The following ENPP6 variants were observed in gnomAD, a reference collection of about 807,000 sequenced individuals.
ENPP6 encodes glycerophosphocholine cholinephosphodiesterase ENPP6.
ENPP6 carries 32 observed loss-of-function variants against 42.0 expected under a neutral mutation model. The ratio of observed to expected loss-of-function variants is 0.76; its 90% CI spans 0.58 to 1.02. ENPP6 has a LOEUF of 1.02. Ranked by LOEUF, ENPP6 falls within the 50% of genes least tolerant of loss-of-function variation. The pLI, the probability that ENPP6 is intolerant of heterozygous loss-of-function variation, is 0.00. For synonymous variants in ENPP6, 213 were observed against 216.0 expected (o/e 0.99, Z 0.12); for missense variants, 552 against 566.8 (o/e 0.97, Z 0.27).
At chr4:184,093,304 TA>T (rs1200302407) in intron 7 of ENPP6, among the ~76,000 whole-genome samples, 1 of 152,144 alleles carries the variant, frequency 6.6e-6, no homozygotes, top group Non-Finnish European at 1.5e-5. Flanking sequence ...GCATGGAGGA[TA>T]AGGGTCAGCT....
At chr4:184,141,846 A>G (rs1736828623) in intron 2 of ENPP6, among the ~76,000 whole-genome samples, 1 of 152,238 alleles carries the variant, frequency 6.6e-6, no homozygotes, top group Admixed American at 6.5e-5. Context: ...TTATTTTGAT[A>G]CACTTATTTT....
rs114410997 is a variant in ENPP6 at position 184,160,713 on chromosome 4, G to C, written c.242-6980C>G. Among the ~76,000 whole-genome samples the C allele has an allele frequency of 5.8e-3, 881 of 150,822 alleles. 11 individuals are homozygous for C. Among genetic ancestry groups the C allele is most frequent in the African/African-American group, 0.02 (837 of 40,970 alleles). On this transcript the variant is annotated intron_variant, in intron 1 of 7. Coordinates refer to ENST00000296741, the MANE Select transcript of ENPP6 (RefSeq NM_153343.4). ...GATCAGCTGGAGCTCTCTCTCTCTT[G>C]AGCTCTCCGTATGACTGGTTCCAAT...
At chr4:184,109,606 A>T (rs1736166050) in intron 6 of ENPP6, among the ~76,000 whole-genome samples, 1 of 152,052 alleles carries the variant, frequency 6.6e-6, no homozygotes, top group South Asian at 2.1e-4. Context: ...ATTTTTTCAT[A>T]CCCTATTTAT....
At chr4:184,128,487 C>T (rs1736540739) in intron 2 of ENPP6, among the ~76,000 whole-genome samples, 1 of 152,008 alleles carries the variant, frequency 6.6e-6, no homozygotes, top group African/African-American at 2.4e-5. Context: ...GGGCAGTTAG[C>T]CTATTTTTAA....
chr4:184,114,605 C>A (rs1325152490), intron 5 of ENPP6, among the ~76,000 whole-genome samples: 1 of 152,126 alleles, frequency 6.6e-6, no homozygotes, highest in South Asian at 2.1e-4. Context: ...CAAACATGGC[C>A]CCCGCTTTTG....
chr4:184,217,402 C>T (rs897582239), intron 1 of ENPP6, among the ~76,000 whole-genome samples, 177 bp downstream of exon 1: 4 of 152,086 alleles, frequency 2.6e-5, no homozygotes, highest in Non-Finnish European at 4.4e-5. Flanking sequence ...GAAACAATAC[C>T]GCCACGAAAA....
chr4:184,198,864 C>T (rs576477608), intron 1 of ENPP6, among the ~76,000 whole-genome samples: 1 of 152,260 alleles, frequency 6.6e-6, no homozygotes, highest in African/African-American at 2.4e-5. Flanking sequence ...CTCATCTGTC[C>T]AGTTGCCATC....
At chr4:184,094,247 A>C (rs1735858096) in intron 7 of ENPP6, among the ~76,000 whole-genome samples, 1 of 152,250 alleles carries the variant, frequency 6.6e-6, no homozygotes, top group Non-Finnish European at 1.5e-5. Context: ...ACTGCACTCC[A>C]GCCTCGATGA....
At chr4:184,105,216 G>T (rs1450719272) in intron 6 of ENPP6, among the ~76,000 whole-genome samples, 1 of 152,174 alleles carries the variant, frequency 6.6e-6, no homozygotes, top group Non-Finnish European at 1.5e-5. Context: ...AAGAAAGAAA[G>T]AAAGGGGTTG....
intron 2 of ENPP6, among the ~76,000 whole-genome samples, chr4:184,150,985 T>C (rs1047449820): frequency 6.6e-6 from 1 of 152,224 alleles, no homozygotes; most frequent in African/African-American, 2.4e-5. Flanking sequence ...ATATTTTTCA[T>C]GCAAATTAGC....
At chr4:184,188,861 T>C (rs939889950) in intron 1 of ENPP6, among the ~76,000 whole-genome samples, 2 of 152,192 alleles carry the variant, frequency 1.3e-5, no homozygotes, top group African/African-American at 4.8e-5. Context: ...CTGATTTCCA[T>C]GAAGAAGTCA....
intron 6 of ENPP6, among the ~76,000 whole-genome samples, chr4:184,110,462 A>G (rs972631109): frequency 1.9e-4 from 29 of 152,320 alleles, no homozygotes; most frequent in African/African-American, 7.0e-4. Context: ...TTTTGTATTC[A>G]TAACTGTGTA....
intron 2 of ENPP6, among the ~76,000 whole-genome samples, chr4:184,127,684 T>C (rs4862316): frequency 0.68 from 103,130 of 152,054 alleles, 35,295 homozygotes; most frequent in African/African-American, 0.73. Context: ...TTGAACCTGG[T>C]GGGTGGAGGT....
At chr4:184,192,186 A>G (rs531432873) in intron 1 of ENPP6, among the ~76,000 whole-genome samples, 2 of 152,372 alleles carry the variant, frequency 1.3e-5, no homozygotes, top group East Asian at 1.9e-4. Flanking sequence ...TCTTAAAAAG[A>G]ACAAAATTAA....
intron 2 of ENPP6, among the ~76,000 whole-genome samples, chr4:184,146,678 A>G (rs991862114): frequency 3.9e-5 from 6 of 152,178 alleles, no homozygotes; most frequent in African/African-American, 1.4e-4. Flanking sequence ...CCTCTGGAAC[A>G]AGTGTGTGTC....
intron 6 of ENPP6, among the ~76,000 whole-genome samples, chr4:184,106,913 G>A (rs1254844699): frequency 6.6e-6 from 1 of 152,208 alleles, no homozygotes; most frequent in Non-Finnish European, 1.5e-5. Context: ...TCACGGTCGG[G>A]GATGGAAGAG....
intron 3 of ENPP6, among the ~76,000 whole-genome samples, chr4:184,121,198 A>T (rs1025291886): frequency 6.6e-6 from 1 of 152,176 alleles, no homozygotes; most frequent in African/African-American, 2.4e-5. Flanking sequence ...CCTTTTCCCT[A>T]TTCTAGAAGT....
At chr4:184,202,401 T>C (rs1367344022) in intron 1 of ENPP6, among the ~76,000 whole-genome samples, 1 of 152,148 alleles carries the variant, frequency 6.6e-6, no homozygotes, top group Non-Finnish European at 1.5e-5. Flanking sequence ...TCATAAAGGA[T>C]AGATGCGGTG....
intron 2 of ENPP6, among the ~76,000 whole-genome samples, chr4:184,142,177 C>T (rs1736835726): frequency 6.6e-6 from 1 of 152,188 alleles, no homozygotes; most frequent in African/African-American, 2.4e-5. Context: ...CAAGTTGAGC[C>T]CATAAAAATT....
Sources: gnomAD v4.1 joint callset for allele counts (sites outside exome capture counted in the v4.1 genomes callset) on GRCh38, gnomAD v4.1.1 for gene constraint, MANE v1.5 for transcripts, NCBI Gene and HGNC (gene_info 2026-07-23, HGNC 2026-07-21) for gene names.